Variants in PHACTR1 observed in about 807,000 individuals in gnomAD.
PHACTR1 encodes the protein phosphatase and actin regulator 1, also known as RPEL repeat containing 1.
PHACTR1 carries 16 observed loss-of-function variants against 69.2 expected under a neutral mutation model. The ratio of observed to expected loss-of-function variants is 0.23; its 90% CI spans 0.16 to 0.35. The LOEUF (loss-of-function observed/expected upper bound fraction) is 0.35. Among genes scored for constraint, PHACTR1 ranks in the 10% least tolerant of loss-of-function variants. The probability of loss-of-function intolerance (pLI) is 1.00; values close to 1 mark genes in which losing one functional copy is unlikely to be tolerated. For missense variants in PHACTR1, 510 were observed against 734.7 expected, an observed-to-expected ratio of 0.69 and a Z score of 3.54; for synonymous variants, 312 against 284.5, an observed-to-expected ratio of 1.10 and a Z score of -0.97.
chr6:13,099,642 A>G (rs1277189724), intron 5 of PHACTR1, among the ~76,000 whole-genome samples: 2 of 152,180 alleles, frequency 1.3e-5, no homozygotes, highest in African/African-American at 2.4e-5. Context: ...AGAGTGTTTC[A>G]TCTTGAAGAA....
chr6:13,112,084 T>C (rs556420329), intron 5 of PHACTR1, among the ~76,000 whole-genome samples: 1 of 152,310 alleles, frequency 6.6e-6, no homozygotes, highest in African/African-American at 2.4e-5. Flanking sequence ...TGTGTCCATG[T>C]ATTCTCATCA....
chr6:13,033,312 A>C (rs1802752079), intron 4 of PHACTR1, among the ~76,000 whole-genome samples: 1 of 152,192 alleles, frequency 6.6e-6, no homozygotes, highest in African/African-American at 2.4e-5. Flanking sequence ...TTCCAGCCCT[A>C]ACCAAACTGT....
intron 8 of PHACTR1, among the ~76,000 whole-genome samples, chr6:13,213,010 C>T (rs1033653967): frequency 2.6e-5 from 4 of 152,196 alleles, no homozygotes; most frequent in Admixed American, 2.6e-4. Context: ...CCTAATAGAA[C>T]ATACAGTCCA....
intron 8 of PHACTR1, among the ~76,000 whole-genome samples, chr6:13,222,092 A>G (rs545713041): frequency 6.6e-6 from 1 of 152,300 alleles, no homozygotes; most frequent in South Asian, 2.1e-4. Context: ...GAGATTCCTC[A>G]TGTTTACCTG....
At chr6:13,235,924 A>G (rs1490040029) in intron 10 of PHACTR1, among the ~76,000 whole-genome samples, 2 of 152,196 alleles carry the variant, frequency 1.3e-5, no homozygotes, top group African/African-American at 2.4e-5. Context: ...CTGCAAAAGA[A>G]AAATAAAATG....
intron 4 of PHACTR1, among the ~76,000 whole-genome samples, chr6:12,869,902 G>C (rs1781850432): frequency 6.6e-6 from 1 of 152,132 alleles, no homozygotes; most frequent in Admixed American, 6.6e-5. Flanking sequence ...AATAGTTCCT[G>C]AGCTCTTACT....
intron 4 of PHACTR1, among the ~76,000 whole-genome samples, chr6:13,003,691 G>A (rs987725327): frequency 6.6e-6 from 1 of 151,702 alleles, no homozygotes; most frequent in African/African-American, 2.4e-5. Flanking sequence ...ATCACCCTAA[G>A]AGTACATAGT....
chr6:13,000,504 CACCACTGCACTCCA>C (rs1797940133), intron 4 of PHACTR1, among the ~76,000 whole-genome samples: 1 of 151,810 alleles, frequency 6.6e-6, no homozygotes, highest in Non-Finnish European at 1.5e-5. Flanking sequence ...GACATGATTG[CACCACTGCACTCCA>C]GCCTCAGCGA....
At chr6:13,209,671 C>G (rs1238220243) in intron 8 of PHACTR1, among the ~76,000 whole-genome samples, 4 of 152,226 alleles carry the variant, frequency 2.6e-5, no homozygotes, top group Non-Finnish European at 4.4e-5. Flanking sequence ...ATCCAGGCCA[C>G]CAAGCCCCTG....
intron 4 of PHACTR1, among the ~76,000 whole-genome samples, chr6:12,789,320 T>C (rs938412624): frequency 1.3e-5 from 2 of 152,160 alleles, no homozygotes; most frequent in Non-Finnish European, 2.9e-5. Context: ...GCCCCCTCTG[T>C]TAGATTCTCT....
intron 4 of PHACTR1, among the ~76,000 whole-genome samples, chr6:12,830,725 G>T (rs1215248689): frequency 6.6e-6 from 1 of 151,896 alleles, no homozygotes; most frequent in African/African-American, 2.4e-5. Context: ...GAGTAGCTGG[G>T]ATTACAGGAC....
At chr6:12,959,910 A>G (rs1298704109) in intron 4 of PHACTR1, among the ~76,000 whole-genome samples, 2 of 152,246 alleles carry the variant, frequency 1.3e-5, no homozygotes, top group Non-Finnish European at 2.9e-5. Context: ...TTTCAGTGTG[A>G]GAAACAGTCT....
chr6:12,880,437 G>A (rs1196373704), intron 4 of PHACTR1, among the ~76,000 whole-genome samples: 2 of 151,924 alleles, frequency 1.3e-5, no homozygotes, highest in African/African-American at 2.4e-5. Flanking sequence ...TGTATTTTTT[G>A]TAGAGAAGAG....
intron 4 of PHACTR1, among the ~76,000 whole-genome samples, chr6:13,007,977 A>G (rs1365716691): frequency 6.6e-6 from 1 of 152,208 alleles, no homozygotes; most frequent in Non-Finnish European, 1.5e-5. Context: ...CAGGGAAACA[A>G]ACCTCAGCTA....
chr6:12,812,526 A>G (rs1775134540), intron 4 of PHACTR1, among the ~76,000 whole-genome samples: 2 of 152,216 alleles, frequency 1.3e-5, no homozygotes, highest in South Asian at 4.1e-4. Context: ...AAAGCAAATA[A>G]ACCACCCAAC....
intron 3 of PHACTR1, among the ~76,000 whole-genome samples, chr6:12,744,050 A>G (rs1164260927): frequency 1.3e-5 from 2 of 152,248 alleles, no homozygotes; most frequent in African/African-American, 4.8e-5. Flanking sequence ...CTGCTCCTGA[A>G]TGACTACTGG....
intron 5 of PHACTR1, among the ~76,000 whole-genome samples, chr6:13,145,817 G>A (rs902680855): frequency 5.9e-5 from 9 of 152,196 alleles, no homozygotes; most frequent in East Asian, 1.9e-4. Flanking sequence ...CTTTAAAACT[G>A]TGAGAAAACA....
intron 5 of PHACTR1, among the ~76,000 whole-genome samples, chr6:13,131,496 A>C (rs1241015645): frequency 6.6e-6 from 1 of 152,160 alleles, no homozygotes; most frequent in African/African-American, 2.4e-5. Flanking sequence ...TGAGTACAGC[A>C]TACACTGCTC....
At chr6:13,285,464 T>G (rs1227593283) in intron 13 of PHACTR1, among the ~76,000 whole-genome samples, 3 of 152,188 alleles carry the variant, frequency 2.0e-5, no homozygotes, top group Non-Finnish European at 4.4e-5. Context: ...AGGTTGTCTC[T>G]GGCCCCAGCT....
Sources: allele counts gnomAD v4.1 joint callset (sites outside exome capture counted in the v4.1 genomes callset), GRCh38; gene constraint gnomAD v4.1.1; transcripts MANE v1.5; gene names NCBI Gene and HGNC (gene_info 2026-07-23, HGNC 2026-07-21).